C21orf91: variants seen among roughly 807,000 people sequenced by gnomAD.
The protein encoded by C21orf91 is chromosome 21 open reading frame 91, also known as protein EURL homolog.
A neutral mutation model predicts 32.9 loss-of-function variants in C21orf91; 26 were observed. The ratio of observed to expected loss-of-function variants is 0.79; its 90% CI spans 0.58 to 1.10. C21orf91 has a LOEUF of 1.10. Ranked by LOEUF, C21orf91 falls within the 50% of genes least tolerant of loss-of-function variation. C21orf91 has a pLI of 0.00. For synonymous variants in C21orf91, 126 were observed against 120.4 expected (o/e 1.05, Z -0.31); for missense variants, 310 against 341.3 (o/e 0.91, Z 0.72).
intron 2 of C21orf91, among the ~76,000 whole-genome samples, chr21:17,808,772 G>C (rs1399830887): frequency 6.6e-6 from 1 of 152,134 alleles, no homozygotes; most frequent in Non-Finnish European, 1.5e-5. Flanking sequence ...ATTGTATTTT[G>C]CAATGTGAGG....
At chr21:17,794,614 A>G (rs2062503951) in intron 4 of C21orf91, among the ~76,000 whole-genome samples, 1 of 152,214 alleles carries the variant, frequency 6.6e-6, no homozygotes, top group Admixed American at 6.5e-5. Context: ...TAGTCTCACT[A>G]CTTTTATATA....
intron 2 of C21orf91, among the ~76,000 whole-genome samples, chr21:17,809,641 C>T (rs1029766655): frequency 1.3e-5 from 2 of 152,022 alleles, no homozygotes; most frequent in Admixed American, 6.6e-5. Context: ...GCAAATAATC[C>T]TTTATTACAT....
In C21orf91 at chr21:17,791,853, GA is replaced by G. The variant is rs1312966591; in HGVS notation, c.*1561del. 6.6e-6 allele frequency: 1 copy of G among 151,984 alleles called. No individual in the cohort carries two copies. Among genetic ancestry groups the G allele is most frequent in the African/African-American group, 2.4e-5 (1 of 41,380 alleles). The allele number at this position is 151,984 out of a possible 1,614,324, so 9.4% of individuals were successfully genotyped here. A position where few individuals can be genotyped will look rare whatever the true frequency, so the allele number is the denominator to read the frequency against. ...CCAAAAAGTAATGTTATACTTCAAA[GA>G]AAAACAAAATCAACAGATATCAATT... is the stretch of plus-strand genomic sequence containing the variant. On this transcript the variant is annotated 3_prime_UTR_variant, in exon 5 of 5. Transcript: ENST00000284881.
intron 2 of C21orf91, among the ~76,000 whole-genome samples, chr21:17,806,984 T>C (rs965748167): frequency 2.0e-5 from 3 of 152,240 alleles, no homozygotes; most frequent in Non-Finnish European, 4.4e-5. Flanking sequence ...CCAGAATATC[T>C]ATGACTGATA....
In C21orf91 at chr21:17,795,235, TCA is replaced by T. The variant is rs1274877817; in HGVS notation, c.698_699del (p.Leu233GlnfsTer13). Reference protein sequence around the residue: ...NSMTLGEVEQLNAKLLQQIQE... With the variant: ...NSMTLGEVEQXNAKLLQQIQE... ...TGGATTTGCTGTAGGAGCTTTGCAT[TCA>T]GTTGCTCTACCTCACCAAGAGTCAT... is the stretch of plus-strand genomic sequence containing the variant. On this transcript the variant is annotated frameshift_variant, in exon 4 of 5. Coordinates refer to ENST00000284881, the MANE Select transcript of C21orf91 (RefSeq NM_001100420.2). LOFTEE classifies it high-confidence loss of function. The T allele has an allele frequency of 6.2e-7, 1 of 1,611,828 alleles. No homozygotes were observed. Among genetic ancestry groups the T allele is most frequent in the Non-Finnish European group, 8.5e-7 (1 of 1,178,108 alleles).
chr21:17,789,375 C>T lies in C21orf91; in HGVS notation c.*4040G>A, dbSNP rs1349622266. On this transcript the variant is annotated 3_prime_UTR_variant, in exon 5 of 5. Coordinates refer to ENST00000284881, the MANE Select transcript of C21orf91 (RefSeq NM_001100420.2). ...TGAAAGAAAAACATTCTAGATGCGT[C>T]TGAAAGAAACAAGGTACACACACTT... The T allele has an allele frequency of 6.6e-6, 1 of 151,928 alleles. No individual in the cohort carries two copies. The highest frequency in any genetic ancestry group is 1.5e-5 in the Non-Finnish European group (1 of 67,986). 9.4% of individuals were successfully genotyped at this position (151,928 alleles called of 1,614,324 possible). A position where few individuals can be genotyped will look rare whatever the true frequency, so the allele number is the denominator to read the frequency against.
chr21:17,808,882 GA>G (rs1238761287), intron 2 of C21orf91: 3 of 152,318 alleles, frequency 2.0e-5, no homozygotes, highest in Admixed American at 1.3e-4. Flanking sequence ...AATATTGGAG[GA>G]GGGGCTTGGT....
At chr21:17,799,448 A>G (rs1024307726) in intron 2 of C21orf91, among the ~76,000 whole-genome samples, 3 of 152,178 alleles carry the variant, frequency 2.0e-5, no homozygotes, top group Non-Finnish European at 4.4e-5. Flanking sequence ...TAACTGCTCA[A>G]GGAAGAAACC....
chr21:17,818,467 C>G, intron 1 of C21orf91, 142 bp from the exon 2 acceptor site: 1 of 669,972 alleles, frequency 1.5e-6, no homozygotes, highest in South Asian at 1.9e-5. Context: ...CATCGCCATA[C>G]TTGCACTCCA....
At chr21:17,794,098 A>C (rs2062499544) in intron 4 of C21orf91, among the ~76,000 whole-genome samples, 1 of 152,234 alleles carries the variant, frequency 6.6e-6, no homozygotes, top group Non-Finnish European at 1.5e-5. Context: ...GCTACTGTAA[A>C]AATTAAATGA....
At chr21:17,793,724 C>CCTG in intron 4 of C21orf91, 143 bp from the exon 5 acceptor site, 2 of 613,496 alleles carry the variant, frequency 3.3e-6, no homozygotes, top group South Asian at 2.0e-5. Flanking sequence ...CAGTTCTGTT[C>CCTG]TCTACAAAGC....
In C21orf91 at chr21:17,792,028, T is replaced by C. The variant is rs895870101; in HGVS notation, c.*1387A>G. The C allele has an allele frequency of 8.5e-5, 13 of 152,172 alleles. No individual in the cohort carries two copies. Among genetic ancestry groups the C allele is most frequent in the African/African-American group, 2.9e-4 (12 of 41,460 alleles). 9.4% of individuals were successfully genotyped at this position (152,172 alleles called of 1,614,324 possible). A position where few individuals can be genotyped will look rare whatever the true frequency, so the allele number is the denominator to read the frequency against. On this transcript the variant is annotated 3_prime_UTR_variant, in exon 5 of 5. Coordinates refer to ENST00000284881, the MANE Select transcript of C21orf91 (RefSeq NM_001100420.2). Reference sequence around the variant, plus strand: ...GCTGCCAAATTTAAGGCAAATGTCATTTATATCTTTATGCATGAAGCTGCC... The same window carrying C: ...GCTGCCAAATTTAAGGCAAATGTCACTTATATCTTTATGCATGAAGCTGCC...
chr21:17,803,230 ATATTTTTTGGCCAG>A (rs1186146362), intron 2 of C21orf91, among the ~76,000 whole-genome samples: 1 of 152,248 alleles, frequency 6.6e-6, no homozygotes, highest in African/African-American at 2.4e-5. Flanking sequence ...TTGCTTCAAA[ATATTTTTTGGCCAG>A]GTGTGGTGGC....
At chr21:17,811,596 G>C (rs568558651) in intron 2 of C21orf91, 14 of 152,260 alleles carry the variant, frequency 9.2e-5, no homozygotes, top group African/African-American at 3.4e-4. Flanking sequence ...TCCAGTAACA[G>C]TTACTGTAAG....
chr21:17,815,292 T>A (rs1206111502), intron 2 of C21orf91, among the ~76,000 whole-genome samples: 2 of 152,176 alleles, frequency 1.3e-5, no homozygotes, highest in African/African-American at 4.8e-5. Flanking sequence ...TTATTTTTAC[T>A]CAGCCTCTTC....
At chr21:17,802,506 A>G (rs1306997004) in intron 2 of C21orf91, among the ~76,000 whole-genome samples, 1 of 152,216 alleles carries the variant, frequency 6.6e-6, no homozygotes, top group Non-Finnish European at 1.5e-5. Flanking sequence ...CCCTTTTAAA[A>G]GAATGATTAG....
chr21:17,796,635 G>C lies in C21orf91; in HGVS notation c.611C>G (p.Ser204Cys), dbSNP rs1472676329. ...NQAQKKEETI[S>C]SPEANVQTQH... ...GGTCTGGACATTAGCCTCTGGACTA[G>C]AGATTGTCTCTTCTTTTTTCTGTGC... Residue 204 changes from serine to cysteine, a missense_variant, in exon 3 of 5, where the codon TCT (serine) becomes TGT (cysteine). Coordinates refer to ENST00000284881, the MANE Select transcript of C21orf91 (RefSeq NM_001100420.2). 1 of 1,613,924 alleles carries C rather than the reference G, an allele frequency of 6.2e-7. No homozygotes were observed. The highest frequency in any genetic ancestry group is 1.3e-5 in the African/African-American group (1 of 74,916).
chr21:17,808,739 A>G (rs1277089179), intron 2 of C21orf91, among the ~76,000 whole-genome samples: 1 of 152,216 alleles, frequency 6.6e-6, no homozygotes, highest in Non-Finnish European at 1.5e-5. Flanking sequence ...AATTAAGTCT[A>G]TGAGGGACTG....
intron 2 of C21orf91, chr21:17,811,422 T>G (rs926437705): frequency 6.6e-6 from 1 of 152,216 alleles, no homozygotes; most frequent in African/African-American, 2.4e-5. Context: ...AACTAGAGGG[T>G]GACACTTCAC....
Sources: allele counts gnomAD v4.1 joint callset (sites outside exome capture counted in the v4.1 genomes callset), GRCh38; gene constraint gnomAD v4.1.1; transcripts MANE v1.5; gene names NCBI Gene and HGNC (gene_info 2026-07-23, HGNC 2026-07-21).